Variants in NDUFA10 observed in about 807,000 individuals in gnomAD.
NDUFA10 encodes the protein NADH:ubiquinone oxidoreductase subunit A10.
A neutral mutation model predicts 47.8 loss-of-function variants in NDUFA10; 40 were observed. The observed-to-expected ratio is 0.84, with a 90% CI of 0.65 to 1.09. The LOEUF (loss-of-function observed/expected upper bound fraction) is 1.09. NDUFA10 is among the 50% of genes least tolerant of loss of function. NDUFA10 has a pLI of 0.00. For synonymous variants in NDUFA10, 183 were observed against 172.2 expected, an observed-to-expected ratio of 1.06 and a Z score of -0.49; for missense variants, 413 against 451.1, an observed-to-expected ratio of 0.92 and a Z score of 0.76.
chr2:239,970,277 G>A (rs1695256181), intron 9 of NDUFA10, among the ~76,000 whole-genome samples: 1 of 152,140 alleles, frequency 6.6e-6, no homozygotes, highest in Non-Finnish European at 1.5e-5. Context: ...AAAAAAAACT[G>A]TCAACCTAGA....
At chr2:239,930,916 C>T (rs1447283372) in intron 4 of NDUFA10, among the ~76,000 whole-genome samples, 1 of 51,340 alleles carries the variant, frequency 1.9e-5, no homozygotes, top group Non-Finnish European at 3.6e-5. Context: ...GTCAGGAGGC[C>T]GCAGGGTCCT....
chr2:239,935,157 G>A (rs1399176429), intron 4 of NDUFA10, among the ~76,000 whole-genome samples: 1 of 152,126 alleles, frequency 6.6e-6, no homozygotes, highest in African/African-American at 2.4e-5. Context: ...AATTGAACGG[G>A]GTGCCTCCCT....
intron 4 of NDUFA10, among the ~76,000 whole-genome samples, chr2:239,908,040 A>G (rs1267983936): frequency 2.6e-5 from 4 of 152,238 alleles, no homozygotes; most frequent in Non-Finnish European, 5.9e-5. Context: ...AATGTGGTAC[A>G]TATACACCAT....
chr2:239,953,761 T>C (rs1305540406), downstream of NDUFA10, among the ~76,000 whole-genome samples: 1 of 152,244 alleles, frequency 6.6e-6, no homozygotes, highest in African/African-American at 2.4e-5. Flanking sequence ...CTTAAAAGGC[T>C]GGAGGCTTCA....
At position 239,950,685 on chromosome 2, in the gene NDUFA10, G is replaced by A. The variant is rs74002044; in HGVS notation, c.294+39389C>T. ...ACTGGTACGGATAGGAGCTTGGGGC[G>A]GTGTAAGGGCCTGTGCATGTCACAT... On this transcript the variant is annotated intron_variant, in intron 4 of 5. Coordinates refer to the NDUFA10 transcript ENST00000419408. Among the ~76,000 whole-genome samples the A allele has an allele frequency of 3.3e-3, 498 of 152,330 alleles. 4 individuals are homozygous for A. Among genetic ancestry groups the A allele is most frequent in the African/African-American group, 0.011 (472 of 41,570 alleles).
chr2:239,990,028 T>G, intron 9 of NDUFA10, 46 bp downstream of exon 9: 1 of 1,377,474 alleles, frequency 7.3e-7, no homozygotes, highest in Non-Finnish European at 1.0e-6. Flanking sequence ...CCCCAGGTGC[T>G]GCAGACTCAT....
At chr2:239,938,839 A>G (rs1181608246) in intron 4 of NDUFA10, among the ~76,000 whole-genome samples, 3 of 151,272 alleles carry the variant, frequency 2.0e-5, no homozygotes, top group Non-Finnish European at 4.4e-5. Flanking sequence ...TCCAGCGAGC[A>G]TCGGTGCACA....
At chr2:239,961,211 C>T (rs763978839) in intron 9 of NDUFA10, 25 bp from the exon 10 acceptor site, 2 of 1,614,112 alleles carry the variant, frequency 1.2e-6, no homozygotes, top group Non-Finnish European at 1.7e-6. Flanking sequence ...GGCATTGGTG[C>T]ATTCTGTTTA....
rs1323367306 is a variant in NDUFA10 at position 240,016,682 on chromosome 2, C to A, written c.548-1822G>T. Among the ~76,000 whole-genome samples, 1 of 152,090 alleles carries A rather than the reference C, an allele frequency of 6.6e-6. No individual in the cohort carries two copies. The highest frequency in any genetic ancestry group is 1.5e-5 in the Non-Finnish European group (1 of 68,012). ...GGGGTCTCATCACCCCAGAAATGGT[C>A]CCCAAAGGATCTGGTCTCAGCCCTC... On this transcript the variant is annotated intron_variant, in intron 4 of 9. Transcript: ENST00000252711. This position sits in a 1 kb window ranked among gnomAD's most constrained non-coding sequence, Gnocchi z 4.4.
chr2:239,933,247 A>T (rs967860994), intron 4 of NDUFA10, among the ~76,000 whole-genome samples: 3 of 152,170 alleles, frequency 2.0e-5, no homozygotes, highest in Admixed American at 1.3e-4. Flanking sequence ...CACCCAGGCC[A>T]TATCCCTCCA....
intron 4 of NDUFA10, among the ~76,000 whole-genome samples, chr2:239,942,647 C>T (rs1173104100): frequency 6.6e-6 from 1 of 152,018 alleles, no homozygotes; most frequent in Admixed American, 6.6e-5. Context: ...ACGAGCTGTG[C>T]GTCCTCTGCC....
intron 4 of NDUFA10, among the ~76,000 whole-genome samples, chr2:239,913,769 G>C (rs1367075346): frequency 6.6e-6 from 1 of 152,236 alleles, no homozygotes; most frequent in Middle Eastern, 3.2e-3. Flanking sequence ...ATGCAGTTTA[G>C]GATCCCACCC....
At chr2:239,948,708 C>A (rs1694498616) in intron 4 of NDUFA10, among the ~76,000 whole-genome samples, 1 of 152,212 alleles carries the variant, frequency 6.6e-6, no homozygotes, top group Non-Finnish European at 1.5e-5. Flanking sequence ...CCTGACGACG[C>A]AACTCAGTAT....
intron 4 of NDUFA10, among the ~76,000 whole-genome samples, chr2:239,951,127 A>G (rs1419223218): frequency 6.6e-6 from 1 of 152,160 alleles, no homozygotes; most frequent in Admixed American, 6.5e-5. Context: ...CTGAGTCTGG[A>G]TTTTCACTGG....
chr2:239,998,882 T>C (rs1235997424), intron 8 of NDUFA10, among the ~76,000 whole-genome samples: 1 of 152,222 alleles, frequency 6.6e-6, no homozygotes, highest in East Asian at 1.9e-4. Flanking sequence ...TATTGATCTG[T>C]CTGCGTATCT....
In NDUFA10 at chr2:239,960,285, G is replaced by A. The variant is rs1694796995; in HGVS notation, c.*833C>T. 3.0e-6 allele frequency: 3 copies of A among 985,488 alleles called. No individual in the cohort carries two copies. The highest frequency in any genetic ancestry group is 3.6e-6 in the Non-Finnish European group (3 of 830,106). 61.0% of individuals were successfully genotyped at this position (985,488 alleles called of 1,614,324 possible). A position where few individuals can be genotyped will look rare whatever the true frequency, so the allele number is the denominator to read the frequency against. ...GCTGAACCACAACCAGCTTGTTTTG[G>A]TTTTCTAGGCTTCAACAGAGATGAA... On this transcript the variant is annotated 3_prime_UTR_variant, in exon 10 of 10. Coordinates refer to ENST00000252711, the MANE Select transcript of NDUFA10 (RefSeq NM_004544.4).
downstream of NDUFA10, among the ~76,000 whole-genome samples, chr2:239,956,132 C>A (rs1013068355): frequency 2.0e-5 from 3 of 152,210 alleles, no homozygotes; most frequent in Non-Finnish European, 4.4e-5. Context: ...AGAGCTAGCA[C>A]ATCTGGACCC....
At position 239,959,649 on chromosome 2, in the gene NDUFA10, G is replaced by C; in HGVS notation, c.*1469C>G. On this transcript the variant is annotated 3_prime_UTR_variant, in exon 10 of 10. Coordinates refer to ENST00000252711, the MANE Select transcript of NDUFA10 (RefSeq NM_004544.4). Reference sequence around the variant, plus strand: ...AGGAGGCAGGGAGGAAGGGAAGGGAGGAAAACAAGGACAGACGGAAGGAAG... The same window carrying C: ...AGGAGGCAGGGAGGAAGGGAAGGGACGAAAACAAGGACAGACGGAAGGAAG... 1 of 972,616 alleles carries C rather than the reference G, an allele frequency of 1.0e-6. No individual in the cohort carries two copies. Among genetic ancestry groups the C allele is most frequent in the Non-Finnish European group, 1.2e-6 (1 of 820,808 alleles). 60.2% of individuals were successfully genotyped at this position (972,616 alleles called of 1,614,324 possible). A position where few individuals can be genotyped will look rare whatever the true frequency, so the allele number is the denominator to read the frequency against.
intron 7 of NDUFA10, 63 bp downstream of exon 7, chr2:240,007,253 G>T: frequency 4.8e-6 from 6 of 1,247,916 alleles, no homozygotes; most frequent in Non-Finnish European, 7.0e-6. Flanking sequence ...GATCTGATTT[G>T]CAAGAACCTT....
Sources: gnomAD v4.1 joint callset for allele counts (sites outside exome capture counted in the v4.1 genomes callset) on GRCh38, gnomAD v4.1.1 for gene constraint, Gnocchi (gnomAD v3.1) non-coding constraint, MANE v1.5 for transcripts, NCBI Gene and HGNC (gene_info 2026-07-23, HGNC 2026-07-21) for gene names.